The following EPHB1 variants were observed in gnomAD, a reference collection of about 807,000 sequenced individuals.
EPHB1 encodes the protein EPH receptor B1, also known as ephrin type-B receptor 1.
A neutral mutation model predicts 94.4 loss-of-function variants in EPHB1; 30 were observed. The ratio of observed to expected loss-of-function variants is 0.32; its 90% CI spans 0.24 to 0.43. The LOEUF is 0.43. EPHB1 is among the 20% of genes least tolerant of loss of function. The probability of loss-of-function intolerance (pLI) is 1.00; values close to 1 mark genes in which losing one functional copy is unlikely to be tolerated. For missense variants in EPHB1, 1,055 were observed against 1,308.3 expected (o/e 0.81, Z 2.99); for synonymous variants, 522 against 489.1 (o/e 1.07, Z -0.89).
chr3:134,986,275 G>T (rs1321960496), intron 3 of EPHB1, among the ~76,000 whole-genome samples: 1 of 152,144 alleles, frequency 6.6e-6, no homozygotes. Context: ...TGGTGACAGG[G>T]TATTCAGTGA....
chr3:134,999,759 C>T (rs887622779), intron 3 of EPHB1, among the ~76,000 whole-genome samples: 9 of 152,156 alleles, frequency 5.9e-5, no homozygotes, highest in African/African-American at 1.2e-4. Context: ...GGCAGTACTA[C>T]CAGAGAGCCT....
intron 1 of EPHB1, among the ~76,000 whole-genome samples, chr3:134,892,123 A>G (rs61693931): frequency 0.039 from 5,986 of 152,296 alleles, 371 homozygotes; most frequent in African/African-American, 0.14. Context: ...TTTATAAAGG[A>G]GCTACTTGGA....
chr3:134,860,776 G>A (rs1384394512), intron 1 of EPHB1, among the ~76,000 whole-genome samples: 4 of 110,866 alleles, frequency 3.6e-5, no homozygotes, highest in African/African-American at 1.2e-4. Context: ...TTGTGCCACT[G>A]CACTCCAGCC....
intron 3 of EPHB1, among the ~76,000 whole-genome samples, chr3:135,057,699 GT>G (rs913658237): frequency 5.6e-4 from 86 of 152,252 alleles, no homozygotes; most frequent in African/African-American, 2.0e-3. Context: ...CTTGACTTGT[GT>G]GCACATATGT....
At chr3:135,170,005 A>G (rs1488671540) in intron 9 of EPHB1, among the ~76,000 whole-genome samples, 1 of 152,250 alleles carries the variant, frequency 6.6e-6, no homozygotes, top group East Asian at 1.9e-4. Context: ...ATGTGTGCAC[A>G]TAACTATATC....
chr3:135,158,790 A>C (rs2107696918), intron 6 of EPHB1, among the ~76,000 whole-genome samples: 1 of 152,160 alleles, frequency 6.6e-6, no homozygotes. Context: ...TTGTAGACAA[A>C]CCATAGGAGG....
chr3:135,104,847 T>C (rs1939152841), intron 3 of EPHB1, among the ~76,000 whole-genome samples: 1 of 152,236 alleles, frequency 6.6e-6, no homozygotes, highest in African/African-American at 2.4e-5. Flanking sequence ...CTGAAACCTT[T>C]TCCTCACCTT....
At chr3:134,817,382 G>T (rs1232350378) in intron 1 of EPHB1, among the ~76,000 whole-genome samples, 1 of 152,200 alleles carries the variant, frequency 6.6e-6, no homozygotes, top group Non-Finnish European at 1.5e-5. Flanking sequence ...CCAGCACCTG[G>T]TTCTCAGGCT....
intron 1 of EPHB1, among the ~76,000 whole-genome samples, chr3:134,820,261 A>G (rs1269654182): frequency 6.6e-6 from 1 of 152,190 alleles, no homozygotes; most frequent in African/African-American, 2.4e-5. Flanking sequence ...GGGAGCCTCC[A>G]TGTCTGGGAA....
chr3:134,908,602 C>T (rs1326024681), intron 1 of EPHB1, among the ~76,000 whole-genome samples: 1 of 152,124 alleles, frequency 6.6e-6, no homozygotes, highest in Non-Finnish European at 1.5e-5. Flanking sequence ...CTGGGAAAGG[C>T]CTGATATATT....
At position 134,889,838 on chromosome 3, in the gene EPHB1, C is replaced by T. The variant is rs550609682; in HGVS notation, c.59-35978C>T. Among the ~76,000 whole-genome samples the T allele has an allele frequency of 2.2e-4, 34 of 151,622 alleles. No individual in the cohort carries two copies. In the South Asian group the frequency reaches 5.9e-3, roughly 26 times the overall value. ...GACTACCGGTGCCCGCCACCACACC[C>T]GGCTAATTTTTTTGTATTTTTAGTA... On this transcript the variant is annotated intron_variant, in intron 1 of 15. Transcript: ENST00000398015.
chr3:134,882,850 C>G (rs920720657), intron 1 of EPHB1, among the ~76,000 whole-genome samples: 1 of 38,042 alleles, frequency 2.6e-5, no homozygotes, highest in Non-Finnish European at 6.9e-5. Context: ...TTTTCTTTCT[C>G]TCTTGACTGT....
At chr3:135,002,869 C>A (rs1329015826) in intron 3 of EPHB1, among the ~76,000 whole-genome samples, 1 of 151,674 alleles carries the variant, frequency 6.6e-6, no homozygotes, top group African/African-American at 2.4e-5. Flanking sequence ...ATTAGTCTTG[C>A]TAGCGGTCTA....
intron 10 of EPHB1, among the ~76,000 whole-genome samples, chr3:135,183,030 C>CTTTCTTTTCTTTTCT (rs1559865292): frequency 2.7e-4 from 18 of 67,198 alleles, no homozygotes; most frequent in Middle Eastern, 7.2e-3. Flanking sequence ...CTTTTCTTTT[C>CTTTCTTTTCTTTTCT]TTTCTTTCTT....
chr3:134,822,410 G>T (rs1029002088), intron 1 of EPHB1, among the ~76,000 whole-genome samples: 3 of 152,198 alleles, frequency 2.0e-5, no homozygotes, highest in African/African-American at 7.2e-5. Context: ...AGCAGAGCTG[G>T]TGTAGGCTGA....
Position 135,241,192 on chromosome 3 carries a change from C to A in EPHB1, c.2391C>A (p.Ala797=), listed in dbSNP as rs1227414644. The A allele has an allele frequency of 1.2e-6, 2 of 1,614,190 alleles. No individual in the cohort carries two copies. Among genetic ancestry groups the A allele is most frequent in the African/African-American group, 1.3e-5 (1 of 75,048 alleles). The part of the protein sequence containing the change: ...PVRWTAPEAI[A]YRKFTSASDV... ...GATGGACAGCTCCAGAGGCCATCGC[C>A]TACCGCAAGTTCACTTCAGCCAGCG... The change falls in exon 13 of 16, where the codon GCC becomes GCA. Residue 797 remains alanine (A), a synonymous_variant. Transcript: ENST00000398015.
chr3:135,254,883 A>G (rs1933303767), intron 15 of EPHB1, among the ~76,000 whole-genome samples: 1 of 152,088 alleles, frequency 6.6e-6, no homozygotes, highest in African/African-American at 2.4e-5. Context: ...GATTATTGCC[A>G]CAATTTCAGA....
intron 1 of EPHB1, among the ~76,000 whole-genome samples, chr3:134,891,360 T>A (rs569346137): frequency 6.6e-6 from 1 of 152,352 alleles, no homozygotes; most frequent in South Asian, 2.1e-4. Flanking sequence ...TCCACCTGCC[T>A]TGGCCTCCCA....
At chr3:134,811,657 C>T (rs370154954) in intron 1 of EPHB1, among the ~76,000 whole-genome samples, 327 of 135,004 alleles carry the variant, frequency 2.4e-3, no homozygotes, top group African/African-American at 8.2e-3. Flanking sequence ...GGCCACAAAC[C>T]GTTATAAGAT....
Sources: gnomAD v4.1 joint callset for allele counts (sites outside exome capture counted in the v4.1 genomes callset) on GRCh38, gnomAD v4.1.1 for gene constraint, MANE v1.5 for transcripts, NCBI Gene and HGNC (gene_info 2026-07-23, HGNC 2026-07-21) for gene names.